Variants in MRPS27 observed in about 807,000 individuals in gnomAD.
MRPS27 encodes small ribosomal subunit protein mS27.
In MRPS27, 43 loss-of-function variants were observed where a neutral mutation model predicts 48.9. The ratio of observed to expected loss-of-function variants is 0.88; its 90% CI spans 0.69 to 1.13. MRPS27 has a LOEUF of 1.13. Ranked by LOEUF, MRPS27 falls within the 50% of genes most tolerant of loss-of-function variation. The pLI is 0.00. For missense variants in MRPS27, 467 were observed against 476.3 expected (o/e 0.98, Z 0.18); for synonymous variants, 188 against 171.9 (o/e 1.09, Z -0.73).
rs755391878 is a variant in MRPS27 at position 72,238,115 on chromosome 5, G to A, written c.295C>T (p.Pro99Ser). Reference protein sequence around the residue: ...EYYLYKFRHSPNCWYLRNWTI... With the variant: ...EYYLYKFRHSSNCWYLRNWTI... ...CAGTTTCTCAGGTACCAGCAGTTGGGGCTGTGTCGAAACCTAAATAAGCAC... is the reference window on the plus strand; with the variant it reads ...CAGTTTCTCAGGTACCAGCAGTTGGAGCTGTGTCGAAACCTAAATAAGCAC... Residue 99 changes from proline (P) to serine (S), a missense_variant, in exon 5 of 11, where the codon CCC (proline) becomes TCC (serine). By Grantham distance (74) the Pro-to-Ser change is moderately conservative. Transcript: ENST00000261413. 10 of 1,613,042 alleles carry A rather than the reference G, an allele frequency of 6.2e-6. No homozygotes were observed. The highest frequency in any genetic ancestry group is 7.6e-6 in the Non-Finnish European group (9 of 1,179,434).
rs1272789268 is a variant in MRPS27, at chr5:72,314,208, A to G, written c.74-50T>C. The G allele has an allele frequency of 1.7e-5, 23 of 1,332,592 alleles. 1 individual carries two copies. The East Asian group carries it at 3.9e-4, about 23-fold the overall frequency. 82.5% of individuals were successfully genotyped at this position (1,332,592 alleles called of 1,614,324 possible). On this transcript the variant is annotated intron_variant, in intron 1 of 10. Coordinates refer to ENST00000261413, the MANE Select transcript of MRPS27 (RefSeq NM_015084.3). ...ACACACATGGTTTTACAAGAGGTTC[A>G]TTTTATATGTTTTATTAAATATATC...
intron 1 of MRPS27, 56 bp from the exon 2 acceptor site, chr5:72,314,214 T>TAAA: frequency 7.9e-7 from 1 of 1,264,526 alleles, no homozygotes; most frequent in Non-Finnish European, 1.1e-6. Flanking sequence ...GTTCATTTTA[T>TAAA]ATGTTTTATT....
At chr5:72,271,214 T>G (rs750590253) in intron 4 of MRPS27, among the ~76,000 whole-genome samples, 3 of 152,248 alleles carry the variant, frequency 2.0e-5, no homozygotes, top group Non-Finnish European at 4.4e-5. Flanking sequence ...ACAGATAATA[T>G]GGTTGGATAT....
intron 2 of MRPS27, among the ~76,000 whole-genome samples, chr5:72,313,098 C>G (rs1468350741): frequency 6.6e-6 from 1 of 152,204 alleles, no homozygotes; most frequent in South Asian, 2.1e-4. Context: ...ATCTTCAGAT[C>G]TTCCACAGCT....
At chr5:72,313,487 T>A (rs1266330511) in intron 2 of MRPS27, among the ~76,000 whole-genome samples, 2 of 152,222 alleles carry the variant, frequency 1.3e-5, no homozygotes, top group Non-Finnish European at 2.9e-5. Context: ...TTTTAAAAAC[T>A]GCTCATTGAG....
chr5:72,236,673 T>TG (rs1432287963), intron 5 of MRPS27, among the ~76,000 whole-genome samples: 1 of 152,104 alleles, frequency 6.6e-6, no homozygotes, highest in Non-Finnish European at 1.5e-5. Context: ...CTTCCTTACC[T>TG]GGTTCCTCCC....
chr5:72,315,006 C>T (rs187664082), intron 1 of MRPS27, among the ~76,000 whole-genome samples: 5 of 152,314 alleles, frequency 3.3e-5, no homozygotes. Flanking sequence ...AGATAGCATA[C>T]CACTATTCCT....
chr5:72,269,703 C>T (rs1241139721), intron 4 of MRPS27, among the ~76,000 whole-genome samples: 4 of 152,114 alleles, frequency 2.6e-5, no homozygotes, highest in Non-Finnish European at 4.4e-5. Flanking sequence ...GTTTTACACA[C>T]GTGTGGGGGA....
intron 4 of MRPS27, among the ~76,000 whole-genome samples, chr5:72,276,032 G>GC (rs1561349950): frequency 6.7e-6 from 1 of 149,654 alleles, no homozygotes; most frequent in East Asian, 2.0e-4. Context: ...TGTGTGTGTG[G>GC]GGGGGGTACT....
chr5:72,225,908 G>T, intron 9 of MRPS27, 149 bp downstream of exon 9: 1 of 731,978 alleles, frequency 1.4e-6, no homozygotes, highest in East Asian at 2.8e-5. Context: ...GAAAATGTTT[G>T]TGGTTTTGCA....
At chr5:72,282,455 C>T (rs979563033) in intron 4 of MRPS27, among the ~76,000 whole-genome samples, 8 of 151,942 alleles carry the variant, frequency 5.3e-5, no homozygotes, top group African/African-American at 1.5e-4. Flanking sequence ...TTTCTCATTG[C>T]CCTGTAGCTA....
chr5:72,313,131 A>C (rs1204582436), intron 2 of MRPS27, among the ~76,000 whole-genome samples: 2 of 152,114 alleles, frequency 1.3e-5, no homozygotes, highest in Non-Finnish European at 2.9e-5. Context: ...GCCTGTGCAC[A>C]TACACCCATC....
In MRPS27 at chr5:72,255,444, AGTAC is replaced by A. The variant is rs1318087581; in HGVS notation, c.282-17320_282-17317del. On this transcript the variant is annotated intron_variant, in intron 4 of 10. Transcript: ENST00000261413. ...TATAGGGCTAAAAGCCTATTAAGTCAGTACCACCCTTTTCCTGAGTAAACACTCA... is the reference window on the plus strand; with the variant it reads ...TATAGGGCTAAAAGCCTATTAAGTCACACCCTTTTCCTGAGTAAACACTCA... Among the ~76,000 whole-genome samples the A allele has an allele frequency of 7.2e-5, 11 of 152,292 alleles. No homozygotes were observed. In the East Asian group the frequency reaches 1.9e-3, roughly 27 times the overall value.
chr5:72,295,631 T>C (rs764673245), intron 3 of MRPS27, 42 bp from the exon 4 acceptor site: 11 of 1,502,922 alleles, frequency 7.3e-6, no homozygotes. Flanking sequence ...ATATAAATTA[T>C]GTCATATATT....
chr5:72,255,029 CTTTTTTTT>C (rs70999273), intron 4 of MRPS27, among the ~76,000 whole-genome samples: 68 of 72,090 alleles, frequency 9.4e-4, no homozygotes, highest in East Asian at 2.9e-3. Flanking sequence ...CATTTCTTTT[CTTTTTTTT>C]TTTTTTTTTT....
At chr5:72,317,125 A>C (rs1325350585) in intron 1 of MRPS27, among the ~76,000 whole-genome samples, 1 of 152,056 alleles carries the variant, frequency 6.6e-6, no homozygotes, top group Non-Finnish European at 1.5e-5. Context: ...ATGGGGGCTG[A>C]TTAAACACAG....
intron 4 of MRPS27, among the ~76,000 whole-genome samples, chr5:72,272,540 C>A (rs918634170): frequency 1.3e-5 from 2 of 152,154 alleles, no homozygotes; most frequent in African/African-American, 4.8e-5. Flanking sequence ...TGTCACAATT[C>A]GATACTGGAT....
chr5:72,268,167 G>GA (rs1175686984), intron 4 of MRPS27, among the ~76,000 whole-genome samples: 17 of 149,812 alleles, frequency 1.1e-4, no homozygotes, highest in South Asian at 2.1e-4. Flanking sequence ...ACCCTAAAAA[G>GA]AAAAAAAAAT....
At chr5:72,311,265 G>C (rs1750434788) in intron 2 of MRPS27, among the ~76,000 whole-genome samples, 1 of 152,084 alleles carries the variant, frequency 6.6e-6, no homozygotes, top group Non-Finnish European at 1.5e-5. Flanking sequence ...GAAGTATTCA[G>C]GATAAAGAGC....
Sources: gnomAD v4.1 joint callset for allele counts (sites outside exome capture counted in the v4.1 genomes callset) on GRCh38, gnomAD v4.1.1 for gene constraint, MANE v1.5 for transcripts, NCBI Gene and HGNC (gene_info 2026-07-23, HGNC 2026-07-21) for gene names.